GALNT14: variants seen among roughly 807,000 people sequenced by gnomAD.
GALNT14 encodes the protein polypeptide N-acetylgalactosaminyltransferase 14, also known as UDP-GalNAc:polypeptide N-acetylgalactosaminyltransferase 14.
Under a neutral mutation model 77.5 loss-of-function variants are expected in GALNT14, and 60 were observed. That is an observed-to-expected ratio of 0.77 (90% CI 0.63 to 0.96). The LOEUF (loss-of-function observed/expected upper bound fraction) is 0.96. Ranked by LOEUF, GALNT14 falls within the 40% of genes least tolerant of loss-of-function variation. The probability of loss-of-function intolerance (pLI) is 0.00; values close to 1 mark genes in which losing one functional copy is unlikely to be tolerated. For synonymous variants in GALNT14, 280 were observed against 281.7 expected (o/e 0.99, Z 0.06); for missense variants, 710 against 731.0 (o/e 0.97, Z 0.33).
intron 1 of GALNT14, among the ~76,000 whole-genome samples, chr2:31,090,868 CTG>C (rs1371822903): frequency 8.2e-6 from 1 of 122,076 alleles, no homozygotes; most frequent in African/African-American, 3.0e-5. Context: ...TTCACTGGCA[CTG>C]TGAGAAGTAA....
chr2:31,091,165 A>C (rs765755672), intron 1 of GALNT14, among the ~76,000 whole-genome samples: 7 of 152,234 alleles, frequency 4.6e-5, no homozygotes, highest in Non-Finnish European at 7.3e-5. Context: ...CCTGAGGCCC[A>C]AATCCTACCC....
chr2:31,116,557 A>G (rs1418220720), intron 1 of GALNT14, among the ~76,000 whole-genome samples: 1 of 152,196 alleles, frequency 6.6e-6, no homozygotes, highest in Non-Finnish European at 1.5e-5. Flanking sequence ...AAAACAAAAT[A>G]GCACTAAAAT....
At chr2:31,036,438 T>C (rs1302269509) in intron 1 of GALNT14, among the ~76,000 whole-genome samples, 1 of 152,234 alleles carries the variant, frequency 6.6e-6, no homozygotes, top group Non-Finnish European at 1.5e-5. Context: ...TGTAGAGAAC[T>C]GTCATACAAA....
intron 3 of GALNT14, among the ~76,000 whole-genome samples, chr2:30,962,092 A>T (rs1357132963): frequency 6.6e-6 from 1 of 152,074 alleles, no homozygotes; most frequent in East Asian, 1.9e-4. Context: ...CCTGCATTAG[A>T]ACTCTGCTGT....
At chr2:31,079,665 C>T (rs1366790223) in intron 1 of GALNT14, among the ~76,000 whole-genome samples, 1 of 152,164 alleles carries the variant, frequency 6.6e-6, no homozygotes, top group Non-Finnish European at 1.5e-5. Context: ...CTCTGGGTCT[C>T]CTCTTCAGCC....
At chr2:30,899,490 A>G in the GALNT14 span, among the ~76,000 whole-genome samples, 1 of 152,036 alleles carries the variant, frequency 6.6e-6, no homozygotes, top group African/African-American at 2.4e-5. Context: ...CTGCAGAGTG[A>G]GGCCAGGTAA....
chr2:30,977,489 A>G (rs1668706247), intron 2 of GALNT14, among the ~76,000 whole-genome samples: 1 of 152,208 alleles, frequency 6.6e-6, no homozygotes, highest in South Asian at 2.1e-4. Context: ...AAAGCATAGT[A>G]TCTCCCCTTG....
intron 2 of GALNT14, among the ~76,000 whole-genome samples, chr2:30,972,537 T>C (rs905509893): frequency 3.3e-5 from 5 of 152,196 alleles, no homozygotes; most frequent in Non-Finnish European, 2.9e-5. Context: ...GCTACTGGTT[T>C]ACAGATTCAC....
Position 31,017,525 on chromosome 2 carries a change from G to T in GALNT14, c.130-24518C>A, listed in dbSNP as rs890030916. Among the ~76,000 whole-genome samples the T allele has an allele frequency of 2.0e-5, 3 of 152,210 alleles. No homozygotes were observed. The South Asian group carries it at 6.2e-4, about 32-fold the overall frequency. On this transcript the variant is annotated intron_variant, in intron 1 of 14. Coordinates refer to ENST00000349752, the MANE Select transcript of GALNT14 (RefSeq NM_024572.4). Reference sequence around the variant, plus strand: ...CCAGGTTCTTAGATAGATTAATGAAGTAAAGGGTTTAAAGACTGGGACCCT... The same window carrying T: ...CCAGGTTCTTAGATAGATTAATGAATTAAAGGGTTTAAAGACTGGGACCCT...
chr2:30,991,291 C>T (rs1029413615), intron 2 of GALNT14: 1 of 152,058 alleles, frequency 6.6e-6, no homozygotes, highest in Admixed American at 6.5e-5. Context: ...GACAAGGGTC[C>T]ACCTGCCTAA....
At chr2:30,988,015 CAG>C (rs1345041813) in intron 2 of GALNT14, among the ~76,000 whole-genome samples, 1 of 152,138 alleles carries the variant, frequency 6.6e-6, no homozygotes, top group African/African-American at 2.4e-5. Context: ...TCCTTTAACT[CAG>C]AGTCTATTCT....
At chr2:31,121,723 T>C (rs1231193054) in intron 1 of GALNT14, among the ~76,000 whole-genome samples, 2 of 152,094 alleles carry the variant, frequency 1.3e-5, no homozygotes, top group Non-Finnish European at 2.9e-5. Flanking sequence ...CAGGAAGATC[T>C]CCTAGATTCA....
At chr2:31,105,004 T>C (rs1449749400) in intron 1 of GALNT14, among the ~76,000 whole-genome samples, 1 of 152,206 alleles carries the variant, frequency 6.6e-6, no homozygotes, top group African/African-American at 2.4e-5. Flanking sequence ...CATCAGCAAC[T>C]ACCAATCTCT....
chr2:31,046,272 G>T (rs527280910), intron 1 of GALNT14, among the ~76,000 whole-genome samples: 1 of 149,614 alleles, frequency 6.7e-6, no homozygotes, highest in Non-Finnish European at 1.5e-5. Flanking sequence ...TGTCGCCCAG[G>T]CTGGAGTGCA....
chr2:30,973,786 C>T (rs1187244845), intron 2 of GALNT14, among the ~76,000 whole-genome samples: 1 of 152,222 alleles, frequency 6.6e-6, no homozygotes. Flanking sequence ...ACATATACTG[C>T]TCTTATTCTT....
chr2:30,920,984 C>G (rs990548890), intron 13 of GALNT14, among the ~76,000 whole-genome samples: 1 of 152,350 alleles, frequency 6.6e-6, no homozygotes, highest in East Asian at 1.9e-4. Flanking sequence ...CATCTCAGTA[C>G]CATCTTCCAG....
At chr2:31,083,313 C>G (rs1430721640) in intron 1 of GALNT14, among the ~76,000 whole-genome samples, 1 of 152,196 alleles carries the variant, frequency 6.6e-6, no homozygotes, top group African/African-American at 2.4e-5. Context: ...CCAAGCACCA[C>G]ACGTTCTTGG....
At chr2:31,001,529 G>A (rs144860321) in intron 1 of GALNT14, among the ~76,000 whole-genome samples, 1 of 152,136 alleles carries the variant, frequency 6.6e-6, no homozygotes, top group South Asian at 2.1e-4. Flanking sequence ...TTGTACCCTG[G>A]CTCCCAGAAG....
chr2:31,003,416 C>T (rs1483805501), intron 1 of GALNT14, among the ~76,000 whole-genome samples: 1 of 152,212 alleles, frequency 6.6e-6, no homozygotes, highest in African/African-American at 2.4e-5. Context: ...ACCCTCCTCC[C>T]TCAACAGCCA....
Sources: allele counts gnomAD v4.1 joint callset (sites outside exome capture counted in the v4.1 genomes callset), GRCh38; gene constraint gnomAD v4.1.1; transcripts MANE v1.5; gene names NCBI Gene and HGNC (gene_info 2026-07-23, HGNC 2026-07-21).